Variants in ARHGAP20 observed in about 807,000 individuals in gnomAD.
ARHGAP20 encodes the protein Rho GTPase activating protein 20, also known as rho GTPase-activating protein 20.
Under a neutral mutation model 73.7 loss-of-function variants are expected in ARHGAP20, and 34 were observed. The ratio of observed to expected loss-of-function variants is 0.46; its 90% CI spans 0.35 to 0.61. The LOEUF (loss-of-function observed/expected upper bound fraction) is 0.61. Ranked by LOEUF, ARHGAP20 falls within the 20% of genes least tolerant of loss-of-function variation. ARHGAP20 has a pLI of 0.00. For synonymous variants in ARHGAP20, 523 were observed against 518.2 expected, an observed-to-expected ratio of 1.01 and a Z score of -0.13; for missense variants, 1,314 against 1,420.9, an observed-to-expected ratio of 0.92 and a Z score of 1.21.
chr11:110,579,553 G>A lies in ARHGAP20; in HGVS notation c.3393C>T (p.Ser1131=). The A allele has an allele frequency of 1.2e-6, 2 of 1,613,872 alleles. No homozygotes were observed. Among genetic ancestry groups the A allele is most frequent in the Non-Finnish European group, 1.7e-6 (2 of 1,179,750 alleles). ...GTGACTTCATGCACAGCTTAAGTCT[G>A]CTCTCCACCAGGCTGAATGGAGAGC... ...HCSSPFSLVE[S]RLKLCMKSHE... is the part of the protein sequence containing the mutation. Residue 1131 remains serine (S), a synonymous_variant, in exon 15 of 15, where the codon AGC becomes AGT. Transcript: ENST00000683387.
intron 2 of ARHGAP20, among the ~76,000 whole-genome samples, chr11:110,671,905 T>C (rs992541537): frequency 2.6e-5 from 4 of 152,112 alleles, no homozygotes; most frequent in Non-Finnish European, 5.9e-5. Context: ...GGAAAGTACA[T>C]TGGGAAAAGA....
chr11:110,649,515 A>G (rs1227378270), intron 2 of ARHGAP20, among the ~76,000 whole-genome samples: 3 of 152,138 alleles, frequency 2.0e-5, no homozygotes, highest in South Asian at 2.1e-4. Flanking sequence ...GTATATTAAT[A>G]GAGTTCAAAT....
At chr11:110,631,470 T>C (rs1349386109) in intron 2 of ARHGAP20, among the ~76,000 whole-genome samples, 1 of 152,164 alleles carries the variant, frequency 6.6e-6, no homozygotes, top group Non-Finnish European at 1.5e-5. Context: ...TTTTTATATA[T>C]CGAAGTATTT....
chr11:110,579,736 G>C lies in ARHGAP20; in HGVS notation c.3210C>G (p.Pro1070=), dbSNP rs1947389333. The stretch of plus-strand genomic sequence containing the variant: ...CAGAAGCATGTGGGGGTGGCTCTAA[G>C]GGTCCTTTTGGAGAAGCTATTTTCT... ...EEEKIASPKG[P]LEPPPHASGV... is the part of the protein sequence containing the mutation. The change falls in exon 15 of 15, where the codon CCC becomes CCG. Residue 1070 remains proline, a synonymous_variant. Transcript: ENST00000683387. 9 of 1,613,858 alleles carry C rather than the reference G, an allele frequency of 5.6e-6. No homozygotes were observed. The East Asian group carries it at 2.0e-4, about 36-fold the overall frequency.
At chr11:110,689,740 CGGGGAAAGGCGGTCTCATAATAGA>C (rs111750533) in intron 2 of ARHGAP20, among the ~76,000 whole-genome samples, 2,245 of 152,028 alleles carry the variant, frequency 0.015, 51 homozygotes, top group African/African-American at 0.05. Flanking sequence ...CAGCTGGCAC[CGGGGAAAGGCGGTCTCATAATAGA>C]CAGAAAACAC....
At position 110,625,020 on chromosome 11, in the gene ARHGAP20, ATT is replaced by A. The variant is rs1565445251; in HGVS notation, c.354-711_354-710del. On this transcript the variant is annotated intron_variant, in intron 3 of 14. Coordinates refer to ENST00000683387, the MANE Select transcript of ARHGAP20 (RefSeq NM_001384657.1). ...AATACACAGGATTTATTTTTTTTTT[ATT>A]TTTATTTTTATTTTTTTTTTTTTTT... Among the ~76,000 whole-genome samples, 90 of 125,132 alleles carry A rather than the reference ATT, an allele frequency of 7.2e-4. 1 individual carries two copies. The highest frequency in any genetic ancestry group is 2.0e-3 in the East Asian group (7 of 3,554). 82.1% of individuals were successfully genotyped at this position (125,132 alleles called of 152,430 possible). A position where few individuals can be genotyped will look rare whatever the true frequency, so the allele number is the denominator to read the frequency against.
At chr11:110,627,099 T>TA (rs113364669) in intron 3 of ARHGAP20, among the ~76,000 whole-genome samples, 23,867 of 151,620 alleles carry the variant, frequency 0.16, 2,981 homozygotes, top group African/African-American at 0.35. Flanking sequence ...AATATATATA[T>TA]TTTTTTGAGA....
intron 9 of ARHGAP20, among the ~76,000 whole-genome samples, chr11:110,604,245 T>G (rs1015466184): frequency 6.6e-6 from 1 of 152,136 alleles, no homozygotes; most frequent in African/African-American, 2.4e-5. Flanking sequence ...GAAACAACAT[T>G]AGTGGTTCAC....
chr11:110,586,767 A>C (rs1947679126), intron 11 of ARHGAP20, among the ~76,000 whole-genome samples: 1 of 152,196 alleles, frequency 6.6e-6, no homozygotes, highest in Non-Finnish European at 1.5e-5. Context: ...ATATGTGCCA[A>C]GCACTATTTA....
chr11:110,699,400 T>C (rs533948097), intron 1 of ARHGAP20, among the ~76,000 whole-genome samples: 3 of 152,022 alleles, frequency 2.0e-5, no homozygotes, highest in Middle Eastern at 6.3e-3. Context: ...GAATGTTCTG[T>C]AAATGTTTGT....
At chr11:110,644,469 T>G (rs776362181) in intron 2 of ARHGAP20, among the ~76,000 whole-genome samples, 12 of 151,688 alleles carry the variant, frequency 7.9e-5, no homozygotes, top group Non-Finnish European at 1.3e-4. Flanking sequence ...CAGAGACCAA[T>G]GGAACAGAAT....
At chr11:110,678,251 A>G (rs575055200) in intron 2 of ARHGAP20, among the ~76,000 whole-genome samples, 28 of 152,356 alleles carry the variant, frequency 1.8e-4, no homozygotes, top group African/African-American at 6.0e-4. Flanking sequence ...GCTAATGGCT[A>G]TGCATTTCTT....
At chr11:110,631,910 G>A (rs527272553) in intron 2 of ARHGAP20, among the ~76,000 whole-genome samples, 3 of 152,258 alleles carry the variant, frequency 2.0e-5, no homozygotes, top group Non-Finnish European at 4.4e-5. Flanking sequence ...TCCCAAGAAA[G>A]ACTGCCTGTT....
At chr11:110,641,989 C>T (rs940818349) in intron 2 of ARHGAP20, among the ~76,000 whole-genome samples, 1 of 152,022 alleles carries the variant, frequency 6.6e-6, no homozygotes, top group African/African-American at 2.4e-5. Flanking sequence ...TGAACAAGGT[C>T]ATCAATATGC....
chr11:110,606,275 C>T (rs1948227630), intron 9 of ARHGAP20, among the ~76,000 whole-genome samples: 1 of 152,096 alleles, frequency 6.6e-6, no homozygotes, highest in African/African-American at 2.4e-5. Context: ...CATTGAAGCA[C>T]CTGCAGCACT....
chr11:110,712,003 G>C (rs1001008734), intron 1 of ARHGAP20, 124 bp downstream of exon 1: 2 of 1,239,324 alleles, frequency 1.6e-6, no homozygotes, highest in African/African-American at 3.1e-5. Context: ...TAGGGGCCGC[G>C]AGCCTCGAGC....
At chr11:110,639,616 A>C (rs1949040219) in intron 2 of ARHGAP20, among the ~76,000 whole-genome samples, 1 of 151,940 alleles carries the variant, frequency 6.6e-6, no homozygotes, top group African/African-American at 2.4e-5. Flanking sequence ...CATTCCCCCT[A>C]GTCCCTGGCA....
chr11:110,605,360 G>A (rs1948200094), intron 9 of ARHGAP20, among the ~76,000 whole-genome samples: 1 of 152,152 alleles, frequency 6.6e-6, no homozygotes, highest in Non-Finnish European at 1.5e-5. Flanking sequence ...TCAAAGGGGC[G>A]AACAGGAAAA....
intron 2 of ARHGAP20, among the ~76,000 whole-genome samples, chr11:110,649,010 A>G (rs1295215476): frequency 1.3e-5 from 2 of 152,092 alleles, no homozygotes; most frequent in Non-Finnish European, 1.5e-5. Flanking sequence ...TGTTTCATGC[A>G]AGCCTGTGCT....
Sources: allele counts gnomAD v4.1 joint callset (sites outside exome capture counted in the v4.1 genomes callset), GRCh38; gene constraint gnomAD v4.1.1; transcripts MANE v1.5; gene names NCBI Gene and HGNC (gene_info 2026-07-23, HGNC 2026-07-21).